Variants in DZANK1 observed in about 807,000 individuals in gnomAD.
The protein encoded by DZANK1 is double zinc ribbon and ankyrin repeat domains 1, also known as double zinc ribbon and ankyrin repeat-containing protein 1.
DZANK1 carries 91 observed loss-of-function variants against 94.5 expected under a neutral mutation model. The observed-to-expected ratio is 0.96, with a 90% CI of 0.81 to 1.15. The LOEUF is 1.15. Ranked by LOEUF, DZANK1 falls within the 50% of genes most tolerant of loss-of-function variation. The pLI, the probability that DZANK1 is intolerant of heterozygous loss-of-function variation, is 0.00. For synonymous variants in DZANK1, 312 were observed against 325.3 expected, an observed-to-expected ratio of 0.96 and a Z score of 0.44; for missense variants, 903 against 916.4, an observed-to-expected ratio of 0.99 and a Z score of 0.19.
exon 19 of DZANK1, chr20:18,389,723 C>A: frequency 6.2e-7 from 1 of 1,613,920 alleles, no homozygotes; most frequent in South Asian, 1.1e-5. Flanking sequence ...TGGTCGATGT[C>A]TGCTCCTCTC....
exon 2 of DZANK1, chr20:18,465,270 G>A (rs1483458708): frequency 9.4e-6 from 15 of 1,600,066 alleles, no homozygotes; most frequent in East Asian, 4.5e-5. Flanking sequence ...TTCCAAAAGC[G>A]TATTGTTATC....
At position 18,398,710 on chromosome 20, in the gene DZANK1, A is replaced by G. The variant is rs867808815; in HGVS notation, c.1433-84T>C. 73 of 1,329,276 alleles carry G rather than the reference A, an allele frequency of 5.5e-5. No individual in the cohort carries two copies. The Middle Eastern group carries it at 2.6e-3, about 47-fold the overall frequency. 82.3% of individuals were successfully genotyped at this position (1,329,276 alleles called of 1,614,324 possible). A position where few individuals can be genotyped will look rare whatever the true frequency, so the allele number is the denominator to read the frequency against. ...ATGATAGCATGGAACATATGTTCTT[A>G]GAGAGGTTAATTTCCTTTGTCAAAC... On this transcript the variant is annotated intron_variant, in intron 13 of 20. Coordinates refer to ENST00000262547, the Ensembl canonical transcript of DZANK1.
At chr20:18,418,376 AT>A (rs1412765566) in intron 10 of DZANK1, among the ~76,000 whole-genome samples, 1 of 152,194 alleles carries the variant, frequency 6.6e-6, no homozygotes. Flanking sequence ...TTCTCTGTGT[AT>A]TCAGATCTTT....
Position 18,453,704 on chromosome 20 carries a change from C to T in DZANK1, c.475+27G>A, listed in dbSNP as rs764112212. The T allele has an allele frequency of 2.0e-6, 3 of 1,530,818 alleles. 1 individual carries two copies. The South Asian group carries it at 3.4e-5, about 17-fold the overall frequency. The allele number at this position is 1,530,818 out of a possible 1,614,324, so 94.8% of individuals were successfully genotyped here. ...TCTTCGGTGGGTTCAGAATACAAAA[C>T]CTTGTCTTTGTTCTGTCACATCATA... On this transcript the variant is annotated intron_variant, in intron 5 of 20. Coordinates refer to ENST00000262547, the Ensembl canonical transcript of DZANK1.
intron 8 of DZANK1, 137 bp from the exon 9 acceptor site, chr20:18,433,902 T>C: frequency 1.4e-6 from 1 of 705,236 alleles, no homozygotes; most frequent in Middle Eastern, 2.6e-4. Flanking sequence ...CCTAGGCAGG[T>C]CGGGCTTGGT....
At chr20:18,417,501 TAG>T (rs2057546985) in intron 10 of DZANK1, among the ~76,000 whole-genome samples, 1 of 152,106 alleles carries the variant, frequency 6.6e-6, no homozygotes, top group African/African-American at 2.4e-5. Context: ...GAAAAAATTA[TAG>T]AGTGTCATTT....
chr20:18,429,830 G>A lies in DZANK1; in HGVS notation c.862-2671C>T, dbSNP rs552682987. 2.0e-5 allele frequency among the ~76,000 whole-genome samples: 3 copies of A among 152,264 alleles called. No individual in the cohort carries two copies. In the South Asian group the frequency reaches 6.2e-4, roughly 32 times the overall value. On this transcript the variant is annotated intron_variant, in intron 9 of 20. Transcript: ENST00000262547. ...CACTTCTTTCTAGAGCAGTGACCAC[G>A]ACCCACAGTTAGAAATCATTTTATA...
chr20:18,462,350 T>G (rs117052737), intron 2 of DZANK1, among the ~76,000 whole-genome samples: 1 of 152,190 alleles, frequency 6.6e-6, no homozygotes, highest in South Asian at 2.1e-4. Context: ...CAGGGATAAG[T>G]TCTGCTCAGC....
At chr20:18,403,796 C>CT (rs35824877) in intron 13 of DZANK1, among the ~76,000 whole-genome samples, 24,367 of 111,846 alleles carry the variant, frequency 0.22, 3,122 homozygotes, top group Non-Finnish European at 0.25. Flanking sequence ...AACTTTCTTT[C>CT]TTTTTTTTTT....
At chr20:18,432,752 C>T (rs1422588452) in intron 9 of DZANK1, 3 of 152,146 alleles carry the variant, frequency 2.0e-5, no homozygotes, top group African/African-American at 7.2e-5. Flanking sequence ...TCTATTAAAT[C>T]TATTTTATCC....
intron 6 of DZANK1, among the ~76,000 whole-genome samples, chr20:18,449,394 G>C (rs1190732676): frequency 6.6e-6 from 1 of 151,932 alleles, no homozygotes; most frequent in Non-Finnish European, 1.5e-5. Flanking sequence ...AAATCATTAT[G>C]AGTAATGTAA....
At chr20:18,452,563 T>C in intron 6 of DZANK1, 52 bp downstream of exon 6, 1 of 1,532,298 alleles carries the variant, frequency 6.5e-7, no homozygotes. Flanking sequence ...CATGGGAGCA[T>C]TAAAAATATA....
Position 18,462,742 on chromosome 20 carries a change from T to TC in DZANK1, c.110-2437dup, listed in dbSNP as rs201609094. On this transcript the variant is annotated intron_variant, in intron 2 of 20. Coordinates refer to ENST00000262547, the Ensembl canonical transcript of DZANK1. ...CGGGCGCGGTGGTTCACATCTGTAA[T>TC]CCCAGCACTTTGGGAGGCCCAGGCA... Among the ~76,000 whole-genome samples the TC allele has an allele frequency of 4.4e-3, 671 of 151,988 alleles. 23 individuals carry two copies. The highest frequency in any genetic ancestry group is 0.038 in the Admixed American group (584 of 15,246).
chr20:18,427,136 A>G (rs1187505100), exon 10 of DZANK1: 1 of 1,612,866 alleles, frequency 6.2e-7, no homozygotes, highest in Non-Finnish European at 8.5e-7. Flanking sequence ...TTCCTGTACC[A>G]CAGGCCCGGC....
chr20:18,432,561 T>A (rs571455197), intron 9 of DZANK1: 1 of 152,350 alleles, frequency 6.6e-6, no homozygotes, highest in East Asian at 1.9e-4. Flanking sequence ...TGTACACTTG[T>A]GAACTCTTCA....
intron 9 of DZANK1, among the ~76,000 whole-genome samples, chr20:18,427,543 A>G (rs6136374): frequency 0.36 from 54,900 of 151,876 alleles, 10,732 homozygotes; most frequent in Middle Eastern, 0.46. Flanking sequence ...CACACTGAAA[A>G]AAGTATTCGT....
intron 13 of DZANK1, among the ~76,000 whole-genome samples, chr20:18,404,365 C>T (rs1035024302): frequency 6.6e-6 from 1 of 152,102 alleles, no homozygotes; most frequent in Non-Finnish European, 1.5e-5. Flanking sequence ...AGGAAAGAGA[C>T]AAAGAGAGCC....
intron 12 of DZANK1, among the ~76,000 whole-genome samples, chr20:18,414,105 T>C (rs573104984): frequency 6.6e-6 from 1 of 152,280 alleles, no homozygotes; most frequent in East Asian, 1.9e-4. Flanking sequence ...CATAAGAAAT[T>C]CAAGAGAAGT....
intron 2 of DZANK1, 36 bp from the exon 3 acceptor site, chr20:18,460,342 C>T (rs1601191443): frequency 6.9e-7 from 1 of 1,447,662 alleles, no homozygotes; most frequent in East Asian, 2.5e-5. Flanking sequence ...ATAATTAACA[C>T]CAAAGTAGCA....
Sources: gnomAD v4.1 joint callset for allele counts (sites outside exome capture counted in the v4.1 genomes callset) on GRCh38, gnomAD v4.1.1 for gene constraint, MANE v1.5 for transcripts, NCBI Gene and HGNC (gene_info 2026-07-23, HGNC 2026-07-21) for gene names.